DERA: variants seen among roughly 807,000 people sequenced by gnomAD.
DERA encodes the protein deoxyribose-phosphate aldolase, also known as 2-deoxy-D-ribose 5-phosphate aldolase.
Under a neutral mutation model 41.1 loss-of-function variants are expected in DERA, and 15 were observed. The observed-to-expected ratio is 0.37, with a 90% CI of 0.24 to 0.56. The LOEUF is 0.56. DERA is among the 20% of genes least tolerant of loss of function. DERA has a pLI of 0.81. For missense variants in DERA, 396 were observed against 403.4 expected, an observed-to-expected ratio of 0.98 and a Z score of 0.16; for synonymous variants, 139 against 137.4, an observed-to-expected ratio of 1.01 and a Z score of -0.08.
rs1162343319 is a variant in DERA at position 15,928,979 on chromosome 12, CTG to C, written c.31+17568_31+17569del. On this transcript the variant is annotated intron_variant, in intron 1 of 8. Transcript: ENST00000428559. This position sits in a 1 kb window ranked among gnomAD's most constrained non-coding sequence, Gnocchi z 4.6. ...GTCCTGCAGACGGGAGCAGCGTTCT[CTG>C]TGAAAACTGGACAGGAGTCAGCTCC... 1.3e-5 allele frequency among the ~76,000 whole-genome samples: 2 copies of C among 152,176 alleles called. No homozygotes were observed. The highest frequency in any genetic ancestry group is 4.8e-5 in the African/African-American group (2 of 41,456).
rs552500703 is a variant in DERA at position 15,998,872 on chromosome 12, T to G, written c.637+16436T>G. Among the ~76,000 whole-genome samples the G allele has an allele frequency of 4.3e-4, 66 of 152,318 alleles. No homozygotes were observed. The highest frequency in any genetic ancestry group is 1.5e-3 in the African/African-American group (64 of 41,576). ...CAGAATAACTGAAATGTAGCCTGTGTCAGTTGCACTATAGGTCCTAACCAA... is the reference window on the plus strand; with the variant it reads ...CAGAATAACTGAAATGTAGCCTGTGGCAGTTGCACTATAGGTCCTAACCAA... On this transcript the variant is annotated intron_variant, in intron 6 of 8. Coordinates refer to ENST00000428559, the MANE Select transcript of DERA (RefSeq NM_015954.4). This position sits in a 1 kb window ranked among gnomAD's most constrained non-coding sequence, Gnocchi z 4.8.
rs1204871138 is a variant in DERA at position 15,938,580 on chromosome 12, A to C, written c.32-18356A>C. On this transcript the variant is annotated intron_variant, in intron 1 of 8. Transcript: ENST00000428559. This position sits in a 1 kb window ranked among gnomAD's most constrained non-coding sequence, Gnocchi z 4.1. ...GATAGTTTTCAATTGATTCTTACCC[A>C]TGAAATGTGTTTTTAAAATTGAGAA... is the stretch of plus-strand genomic sequence containing the variant. Among the ~76,000 whole-genome samples the C allele has an allele frequency of 1.3e-5, 2 of 152,176 alleles. No individual in the cohort carries two copies. The highest frequency in any genetic ancestry group is 4.8e-5 in the African/African-American group (2 of 41,440).
In DERA at chr12:15,921,969, G is replaced by A. The variant is rs936014007; in HGVS notation, c.31+10555G>A. 6.6e-6 allele frequency among the ~76,000 whole-genome samples: 1 copy of A among 152,030 alleles called. No individual in the cohort carries two copies. Among genetic ancestry groups the A allele is most frequent in the Non-Finnish European group, 1.5e-5 (1 of 68,004 alleles). On this transcript the variant is annotated intron_variant, in intron 1 of 8. Coordinates refer to ENST00000428559, the MANE Select transcript of DERA (RefSeq NM_015954.4). The surrounding 1 kb of genome is among the most constrained non-coding windows in gnomAD (Gnocchi z 5.3). Reference sequence around the variant, plus strand: ...AAATAATTTTCCAAGGAATAAACAAGAAATGTATTTTAGTTTTGTGTCTTT... The same window carrying A: ...AAATAATTTTCCAAGGAATAAACAAAAAATGTATTTTAGTTTTGTGTCTTT...
rs1411073928 is a variant in DERA at position 15,911,827 on chromosome 12, A to G, written c.31+413A>G. On this transcript the variant is annotated intron_variant, in intron 1 of 8. Coordinates refer to ENST00000428559, the MANE Select transcript of DERA (RefSeq NM_015954.4). This position sits in a 1 kb window ranked among gnomAD's most constrained non-coding sequence, Gnocchi z 4.5. The stretch of plus-strand genomic sequence containing the variant: ...GTGTAATTTAATGCAGTATTTCCGT[A>G]GATAATTTTAACCGTAACCTTGAAG... 2.1e-6 allele frequency: 1 copy of G among 468,358 alleles called. No individual in the cohort carries two copies. The highest frequency in any genetic ancestry group is 4.2e-6 in the Non-Finnish European group (1 of 236,322). The allele number at this position is 468,358 out of a possible 1,614,324, so 29.0% of individuals were successfully genotyped here.
intron 6 of DERA, among the ~76,000 whole-genome samples, chr12:16,030,809 G>A (rs1006760966): frequency 6.6e-6 from 1 of 152,132 alleles, no homozygotes; most frequent in Non-Finnish European, 1.5e-5. Flanking sequence ...TCTATTCCCA[G>A]CAGCTTTAGA....
intron 5 of DERA, among the ~76,000 whole-genome samples, chr12:15,969,613 T>C (rs1398426322): frequency 6.6e-6 from 1 of 152,234 alleles, no homozygotes; most frequent in Non-Finnish European, 1.5e-5. Context: ...ACATACATCA[T>C]GGCTATCAAA....
In DERA at chr12:15,911,775, C is replaced by G; in HGVS notation, c.31+361C>G. 1.9e-6 allele frequency: 1 copy of G among 537,250 alleles called. No individual in the cohort carries two copies. The highest frequency in any genetic ancestry group is 4.6e-5 in the East Asian group (1 of 21,570). 33.3% of individuals were successfully genotyped at this position (537,250 alleles called of 1,614,324 possible). A position where few individuals can be genotyped will look rare whatever the true frequency, so the allele number is the denominator to read the frequency against. ...GCAGGTAAAAACAGATAAAAACCTT[C>G]TTTCTCCTCCTTTTAATAGAATACT... is the stretch of plus-strand genomic sequence containing the variant. On this transcript the variant is annotated intron_variant, in intron 1 of 8. Coordinates refer to ENST00000428559, the MANE Select transcript of DERA (RefSeq NM_015954.4). The surrounding 1 kb of genome is among the most constrained non-coding windows in gnomAD (Gnocchi z 4.5).
chr12:15,959,583 G>A lies in DERA; in HGVS notation c.278-246G>A, dbSNP rs1948567624. ...AGACATTTTTAAAAAACAGTACTAT[G>A]TTAATCTCAAAGATGAGTATATCAA... On this transcript the variant is annotated intron_variant, in intron 3 of 8. Coordinates refer to ENST00000428559, the MANE Select transcript of DERA (RefSeq NM_015954.4). The surrounding 1 kb of genome is among the most constrained non-coding windows in gnomAD (Gnocchi z 4.5). Among the ~76,000 whole-genome samples the A allele has an allele frequency of 6.6e-6, 1 of 152,126 alleles. No individual in the cohort carries two copies. The highest frequency in any genetic ancestry group is 6.5e-5 in the Admixed American group (1 of 15,270).
intron 1 of DERA, among the ~76,000 whole-genome samples, chr12:15,952,849 A>C (rs1274566508): frequency 6.6e-6 from 1 of 152,256 alleles, no homozygotes; most frequent in Non-Finnish European, 1.5e-5. Flanking sequence ...AGCCACATTC[A>C]GTCACATTTA....
At position 15,996,366 on chromosome 12, in the gene DERA, G is replaced by A. The variant is rs1948837831; in HGVS notation, c.637+13930G>A. On this transcript the variant is annotated intron_variant, in intron 6 of 8. Transcript: ENST00000428559. The surrounding 1 kb of genome is among the most constrained non-coding windows in gnomAD (Gnocchi z 4.7). ...TCTGGAGGCCAGAAGCCCGCAGTCA[G>A]GGTGTCAGCAGGCTTATGCTCCCTC... is the stretch of plus-strand genomic sequence containing the variant. Among the ~76,000 whole-genome samples the A allele has an allele frequency of 6.6e-6, 1 of 152,098 alleles. No homozygotes were observed. Among genetic ancestry groups the A allele is most frequent in the Non-Finnish European group, 1.5e-5 (1 of 68,012 alleles).
chr12:16,005,504 T>C (rs987181286), intron 6 of DERA, among the ~76,000 whole-genome samples: 1 of 152,176 alleles, frequency 6.6e-6, no homozygotes, highest in African/African-American at 2.4e-5. Flanking sequence ...AGAAAGCTTT[T>C]ATGTTTGGAA....
chr12:15,924,290 T>C lies in DERA; in HGVS notation c.31+12876T>C, dbSNP rs1948266275. 6.6e-6 allele frequency among the ~76,000 whole-genome samples: 1 copy of C among 152,152 alleles called. No homozygotes were observed. ...TTTCAAAATTAGCTGGGTGTGGTGG[T>C]ATGCCGCTATGGTCACAGCTACCTT... On this transcript the variant is annotated intron_variant, in intron 1 of 8. Transcript: ENST00000428559. The surrounding 1 kb of genome is among the most constrained non-coding windows in gnomAD (Gnocchi z 5.0).
In DERA at chr12:16,013,183, T is replaced by C. The variant is rs951892858; in HGVS notation, c.638-19359T>C. Among the ~76,000 whole-genome samples the C allele has an allele frequency of 1.3e-5, 2 of 152,220 alleles. No individual in the cohort carries two copies. The highest frequency in any genetic ancestry group is 2.9e-5 in the Non-Finnish European group (2 of 68,042). On this transcript the variant is annotated intron_variant, in intron 6 of 8. Coordinates refer to ENST00000428559, the MANE Select transcript of DERA (RefSeq NM_015954.4). This position sits in a 1 kb window ranked among gnomAD's most constrained non-coding sequence, Gnocchi z 5.8. ...CTTTAAAAATCATTTTAAAGAACCATAATTATGAATGTGTTGAAGTATTTT... is the reference window on the plus strand; with the variant it reads ...CTTTAAAAATCATTTTAAAGAACCACAATTATGAATGTGTTGAAGTATTTT...
At chr12:15,926,363 C>T (rs1350230005) in intron 1 of DERA, among the ~76,000 whole-genome samples, 1 of 152,138 alleles carries the variant, frequency 6.6e-6, no homozygotes, top group African/African-American at 2.4e-5. Flanking sequence ...TTCGATTCCT[C>T]CCCTGTGATC....
intron 1 of DERA, among the ~76,000 whole-genome samples, chr12:15,919,862 G>A (rs897311886): frequency 5.3e-5 from 8 of 152,106 alleles, no homozygotes; most frequent in Non-Finnish European, 1.0e-4. Flanking sequence ...ATGATGCTAA[G>A]GTCTTTAAAG....
chr12:15,942,815 G>C (rs996510387), intron 1 of DERA, among the ~76,000 whole-genome samples: 3 of 152,220 alleles, frequency 2.0e-5, no homozygotes, highest in African/African-American at 4.8e-5. Flanking sequence ...CGTGAGAGAA[G>C]AGAAGCTGGA....
chr12:15,996,982 A>G lies in DERA; in HGVS notation c.637+14546A>G, dbSNP rs979425314. On this transcript the variant is annotated intron_variant, in intron 6 of 8. Coordinates refer to ENST00000428559, the MANE Select transcript of DERA (RefSeq NM_015954.4). This position sits in a 1 kb window ranked among gnomAD's most constrained non-coding sequence, Gnocchi z 4.7. ...TAGGAGATAAATTTGCTTATGAGCAAGAGACAGATACTAACAGTAGAAGGA... is the reference window on the plus strand; with the variant it reads ...TAGGAGATAAATTTGCTTATGAGCAGGAGACAGATACTAACAGTAGAAGGA... Among the ~76,000 whole-genome samples, 1 of 152,260 alleles carries G rather than the reference A, an allele frequency of 6.6e-6. No individual in the cohort carries two copies. Among genetic ancestry groups the G allele is most frequent in the African/African-American group, 2.4e-5 (1 of 41,478 alleles).
At position 15,958,289 on chromosome 12, in the gene DERA, C is replaced by T; in HGVS notation, c.231C>T (p.Tyr77=). Reference sequence around the variant, plus strand: ...AAAGGCTCTGTTATAAAGCCAAATACCCAATCCGGGAAGATCTCTTAAAAG... The same window carrying T: ...AAAGGCTCTGTTATAAAGCCAAATATCCAATCCGGGAAGATCTCTTAAAAG... ...NIQRLCYKAK[Y]PIREDLLKAL... Residue 77 remains tyrosine (Y), a synonymous_variant, in exon 3 of 9, where the codon TAC becomes TAT. Coordinates refer to ENST00000428559, the MANE Select transcript of DERA (RefSeq NM_015954.4). 1.2e-6 allele frequency: 2 copies of T among 1,603,212 alleles called. No homozygotes were observed. Among genetic ancestry groups the T allele is most frequent in the Non-Finnish European group, 1.7e-6 (2 of 1,174,654 alleles).
At chr12:15,945,060 G>C (rs1645329154) in intron 1 of DERA, among the ~76,000 whole-genome samples, 1 of 152,142 alleles carries the variant, frequency 6.6e-6, no homozygotes, top group Non-Finnish European at 1.5e-5. Flanking sequence ...TATTATTTCT[G>C]AGGGCTCAAT....
Sources: gnomAD v4.1 joint callset for allele counts (sites outside exome capture counted in the v4.1 genomes callset) on GRCh38, gnomAD v4.1.1 for gene constraint, Gnocchi (gnomAD v3.1) non-coding constraint, MANE v1.5 for transcripts, NCBI Gene and HGNC (gene_info 2026-07-23, HGNC 2026-07-21) for gene names.